The following PLCXD3 variants were observed in gnomAD, a reference collection of about 807,000 sequenced individuals.
PLCXD3 encodes phosphatidylinositol specific phospholipase C X domain containing 3, also known as PI-PLC X domain-containing protein 3.
Under a neutral mutation model 25.5 loss-of-function variants are expected in PLCXD3, and 19 were observed. That is an observed-to-expected ratio of 0.75 (90% CI 0.52 to 1.09). The LOEUF is 1.09. Ranked by LOEUF, PLCXD3 falls within the 50% of genes least tolerant of loss-of-function variation. PLCXD3 has a pLI of 0.00. For missense variants in PLCXD3, 411 were observed against 388.1 expected (o/e 1.06, Z -0.50); for synonymous variants, 174 against 137.6 (o/e 1.26, Z -1.85).
chr5:41,367,798 T>C (rs913130463), intron 2 of PLCXD3, among the ~76,000 whole-genome samples: 2 of 152,198 alleles, frequency 1.3e-5, no homozygotes, highest in African/African-American at 4.8e-5. Flanking sequence ...CTTTAATCCA[T>C]CTTTAGTTGA....
At chr5:41,485,782 T>G (rs898554454) in intron 1 of PLCXD3, among the ~76,000 whole-genome samples, 5 of 152,196 alleles carry the variant, frequency 3.3e-5, no homozygotes, top group Non-Finnish European at 5.9e-5. Context: ...TGACTTACAG[T>G]CAGTTATCAC....
At chr5:41,505,945 G>A (rs1749044787) in intron 1 of PLCXD3, among the ~76,000 whole-genome samples, 1 of 152,230 alleles carries the variant, frequency 6.6e-6, no homozygotes, top group Non-Finnish European at 1.5e-5. Context: ...AGTAAAAAAT[G>A]TATATTTAAA....
chr5:41,371,165 G>A (rs1745083678), intron 2 of PLCXD3, among the ~76,000 whole-genome samples: 1 of 152,134 alleles, frequency 6.6e-6, no homozygotes, highest in Non-Finnish European at 1.5e-5. Context: ...AGCCTCGACT[G>A]TTTTAATGAG....
chr5:41,360,363 G>C (rs1014487900), intron 2 of PLCXD3, among the ~76,000 whole-genome samples: 8 of 152,244 alleles, frequency 5.3e-5, no homozygotes, highest in Admixed American at 1.3e-4. Context: ...TGGCAATTAA[G>C]AGATTTCATC....
intron 1 of PLCXD3, among the ~76,000 whole-genome samples, chr5:41,499,233 T>A (rs1748901799): frequency 6.6e-6 from 1 of 151,608 alleles, no homozygotes; most frequent in Non-Finnish European, 1.5e-5. Flanking sequence ...GTAGATAACA[T>A]TTTATATGTA....
At chr5:41,381,771 A>G (rs1745467326) in intron 2 of PLCXD3, 55 bp downstream of exon 2, 2 of 1,492,088 alleles carry the variant, frequency 1.3e-6, no homozygotes, top group Non-Finnish European at 1.8e-6. Context: ...TATGAGCTCT[A>G]TAAATTCAAG....
At chr5:41,380,181 C>T (rs894670333) in intron 2 of PLCXD3, among the ~76,000 whole-genome samples, 2 of 152,008 alleles carry the variant, frequency 1.3e-5, no homozygotes, top group Non-Finnish European at 2.9e-5. Context: ...CTGATGGTAC[C>T]TTCCCCACTT....
intron 1 of PLCXD3, among the ~76,000 whole-genome samples, chr5:41,437,445 T>A (rs1158409390): frequency 6.6e-6 from 1 of 152,200 alleles, no homozygotes; most frequent in Non-Finnish European, 1.5e-5. Context: ...GATAGTGACT[T>A]GTGATTGTGG....
chr5:41,387,661 T>C (rs1359794942), intron 1 of PLCXD3, among the ~76,000 whole-genome samples: 2 of 152,148 alleles, frequency 1.3e-5, no homozygotes, highest in African/African-American at 4.8e-5. Flanking sequence ...TAGTTCTATT[T>C]TGTAAATGTT....
chr5:41,355,039 GA>G (rs1744578736), intron 2 of PLCXD3, among the ~76,000 whole-genome samples: 2 of 152,226 alleles, frequency 1.3e-5, no homozygotes, highest in African/African-American at 4.8e-5. Flanking sequence ...TATGACTAAA[GA>G]AAAATCTTCC....
chr5:41,422,247 C>G (rs1746846750), intron 1 of PLCXD3, among the ~76,000 whole-genome samples: 1 of 152,272 alleles, frequency 6.6e-6, no homozygotes, highest in Non-Finnish European at 1.5e-5. Flanking sequence ...TCACATACGC[C>G]TTCTCCGTTT....
intron 2 of PLCXD3, among the ~76,000 whole-genome samples, chr5:41,325,733 G>A (rs1293944407): frequency 6.6e-6 from 1 of 152,188 alleles, no homozygotes; most frequent in Non-Finnish European, 1.5e-5. Flanking sequence ...TGCCACCAAT[G>A]TAACAATTTT....
intron 1 of PLCXD3, among the ~76,000 whole-genome samples, chr5:41,473,472 T>C (rs183152134): frequency 1.5e-4 from 21 of 140,978 alleles, no homozygotes; most frequent in African/African-American, 5.1e-4. Flanking sequence ...TAATAATAAT[T>C]ATTATTATTT....
intron 2 of PLCXD3, among the ~76,000 whole-genome samples, chr5:41,349,574 TTG>T (rs2150480495): frequency 6.6e-6 from 1 of 152,260 alleles, no homozygotes; most frequent in African/African-American, 2.4e-5. Context: ...GGATGTGGAG[TTG>T]AAGATGAAGA....
At chr5:41,438,909 A>C (rs1747317930) in intron 1 of PLCXD3, among the ~76,000 whole-genome samples, 1 of 152,234 alleles carries the variant, frequency 6.6e-6, no homozygotes, top group Non-Finnish European at 1.5e-5. Flanking sequence ...GAGTTAAAGA[A>C]AGCAGAGCTT....
chr5:41,313,373 C>CTT lies in PLCXD3; in HGVS notation c.*242_*243dup. 14 of 401,340 alleles carry CTT rather than the reference C, an allele frequency of 3.5e-5. No individual in the cohort carries two copies. The highest frequency in any genetic ancestry group is 8.8e-5 in the Admixed American group (2 of 22,720). The allele number at this position is 401,340 out of a possible 1,614,324, so 24.9% of individuals were successfully genotyped here. A position where few individuals can be genotyped will look rare whatever the true frequency, so the allele number is the denominator to read the frequency against. ...AATTTTGAAAAACAAAGTTACTGGT[C>CTT]TTTTTTTTTTATTCCTAACACTAGA... On this transcript the variant is annotated 3_prime_UTR_variant, in exon 3 of 3. Coordinates refer to ENST00000377801, the MANE Select transcript of PLCXD3 (RefSeq NM_001005473.3).
intron 2 of PLCXD3, among the ~76,000 whole-genome samples, chr5:41,335,048 C>G (rs1408720508): frequency 6.6e-6 from 1 of 152,196 alleles, no homozygotes; most frequent in African/African-American, 2.4e-5. Flanking sequence ...AAGGGCAGAA[C>G]TCTTCTGTGT....
intron 2 of PLCXD3, among the ~76,000 whole-genome samples, chr5:41,322,871 G>A (rs796464006): frequency 2.0e-5 from 3 of 152,036 alleles, no homozygotes; most frequent in Admixed American, 1.3e-4. Flanking sequence ...CTACTCAGGA[G>A]GCTGAGTCAG....
intron 1 of PLCXD3, among the ~76,000 whole-genome samples, chr5:41,438,487 G>A (rs1213330329): frequency 6.6e-6 from 1 of 152,146 alleles, no homozygotes; most frequent in Non-Finnish European, 1.5e-5. Flanking sequence ...GGGGAAGTTT[G>A]CCCCATTTGC....
Sources: allele counts gnomAD v4.1 joint callset (sites outside exome capture counted in the v4.1 genomes callset), GRCh38; gene constraint gnomAD v4.1.1; transcripts MANE v1.5; gene names NCBI Gene and HGNC (gene_info 2026-07-23, HGNC 2026-07-21).